Variants in LARGE1 observed in about 807,000 individuals in gnomAD.
LARGE1 encodes xylosyl- and glucuronyltransferase LARGE1.
Under a neutral mutation model 87.6 loss-of-function variants are expected in LARGE1, and 43 were observed. That is an observed-to-expected ratio of 0.49 (90% CI 0.38 to 0.63). LARGE1 has a LOEUF of 0.63. Ranked by LOEUF, LARGE1 falls within the 30% of genes least tolerant of loss-of-function variation. The pLI is 0.00. For synonymous variants in LARGE1, 434 were observed against 394.6 expected, an observed-to-expected ratio of 1.10 and a Z score of -1.18; for missense variants, 802 against 1,000.2, an observed-to-expected ratio of 0.80 and a Z score of 2.67.
rs577911243 is a variant in LARGE1 at position 33,875,452 on chromosome 22, C to T, written c.-83+44543G>A. 2.0e-5 allele frequency among the ~76,000 whole-genome samples: 3 copies of T among 152,312 alleles called. No individual in the cohort carries two copies. The East Asian group carries it at 5.8e-4, about 29-fold the overall frequency. ...ACCATGGGGGCAGAGGGCTGTGCCA[C>T]AGAGAGAGCAAAGCTCCTCCAGAAC... is the stretch of plus-strand genomic sequence containing the variant. On this transcript the variant is annotated intron_variant, in intron 1 of 14. Transcript: ENST00000397394.
At chr22:33,299,476 A>G (rs1933850987) in intron 12 of LARGE1, among the ~76,000 whole-genome samples, 1 of 152,182 alleles carries the variant, frequency 6.6e-6, no homozygotes, top group Non-Finnish European at 1.5e-5. Context: ...AGTAGTATCA[A>G]TATATAGTTT....
intron 6 of LARGE1, among the ~76,000 whole-genome samples, chr22:33,466,678 C>T (rs182064297): frequency 6.9e-6 from 1 of 145,190 alleles, no homozygotes; most frequent in Non-Finnish European, 1.5e-5. Context: ...GCCTCATTCA[C>T]CCCCTCTCTC....
intron 10 of LARGE1, among the ~76,000 whole-genome samples, chr22:33,328,954 G>C (rs548054171): frequency 4.5e-4 from 69 of 152,234 alleles, no homozygotes; most frequent in African/African-American, 1.6e-3. Flanking sequence ...TTGTGGTGAA[G>C]ATTAAAGTTG....
intron 6 of LARGE1, among the ~76,000 whole-genome samples, chr22:33,562,747 C>T (rs2077898004): frequency 6.6e-6 from 1 of 152,200 alleles, no homozygotes; most frequent in Non-Finnish European, 1.5e-5. Context: ...AGCACTATAG[C>T]CATTGCAAGC....
At chr22:33,177,520 T>A (rs1922938491) in intron 11 of LARGE1, among the ~76,000 whole-genome samples, 1 of 152,146 alleles carries the variant, frequency 6.6e-6, no homozygotes. Flanking sequence ...AGAGAAAATA[T>A]AGAATTAATT....
chr22:33,417,472 A>C (rs1188612976), intron 7 of LARGE1, among the ~76,000 whole-genome samples: 1 of 152,244 alleles, frequency 6.6e-6, no homozygotes, highest in Non-Finnish European at 1.5e-5. Context: ...ACATAGGAAC[A>C]AAGAAAACAA....
At chr22:33,539,203 T>G (rs1387764983) in intron 6 of LARGE1, among the ~76,000 whole-genome samples, 1 of 152,142 alleles carries the variant, frequency 6.6e-6, no homozygotes, top group Non-Finnish European at 1.5e-5. Flanking sequence ...AAAAGTATGG[T>G]TGGCCCTACA....
At chr22:33,157,744 T>C (rs918145346), downstream of LARGE1, among the ~76,000 whole-genome samples, 3 of 152,204 alleles carry the variant, frequency 2.0e-5, no homozygotes, top group African/African-American at 7.2e-5. Context: ...TCATCGTAGT[T>C]TTAATTTTAC....
At chr22:33,320,337 C>T (rs1190762101) in intron 10 of LARGE1, among the ~76,000 whole-genome samples, 1 of 152,158 alleles carries the variant, frequency 6.6e-6, no homozygotes, top group Non-Finnish European at 1.5e-5. Context: ...CTCTCCTCCA[C>T]CTAAAAAACC....
At chr22:33,640,587 C>T (rs942057716) in intron 3 of LARGE1, among the ~76,000 whole-genome samples, 5 of 151,940 alleles carry the variant, frequency 3.3e-5, no homozygotes, top group South Asian at 4.1e-4. Context: ...GAGACAGAAT[C>T]GTTCACTCCC....
chr22:33,721,228 A>G (rs981566525), intron 2 of LARGE1, among the ~76,000 whole-genome samples: 2 of 152,232 alleles, frequency 1.3e-5, no homozygotes, highest in African/African-American at 4.8e-5. Flanking sequence ...AAGACTTGCT[A>G]GTTCTACCCT....
chr22:33,176,818 A>C (rs560797819), intron 11 of LARGE1, among the ~76,000 whole-genome samples: 1 of 152,300 alleles, frequency 6.6e-6, no homozygotes, highest in Non-Finnish European at 1.5e-5. Flanking sequence ...TATATACCCA[A>C]AGGATTATAA....
At chr22:33,636,195 G>A (rs1317087923) in intron 3 of LARGE1, among the ~76,000 whole-genome samples, 1 of 152,072 alleles carries the variant, frequency 6.6e-6, no homozygotes, top group African/African-American at 2.4e-5. Flanking sequence ...TTTTGGGGTG[G>A]GTCAAGAGAA....
At chr22:33,916,223 G>T (rs994906126) in intron 1 of LARGE1, among the ~76,000 whole-genome samples, 2 of 152,090 alleles carry the variant, frequency 1.3e-5, no homozygotes, top group Non-Finnish European at 2.9e-5. Flanking sequence ...GGAGGTTGCA[G>T]TGAGCTAAGA....
rs943510422 is a variant in LARGE1 at position 33,647,458 on chromosome 22, T to A, written c.408+2909A>T. On this transcript the variant is annotated intron_variant, in intron 3 of 14. Transcript: ENST00000397394. ...AACACTTCTTTCCTGCCAGCTGGAATGTGGACAACATAGCTAAAGCTCTGA... is the reference window on the plus strand; with the variant it reads ...AACACTTCTTTCCTGCCAGCTGGAAAGTGGACAACATAGCTAAAGCTCTGA... 3.9e-5 allele frequency among the ~76,000 whole-genome samples: 6 copies of A among 152,326 alleles called. No individual in the cohort carries two copies. In the South Asian group the frequency reaches 6.2e-4, roughly 16 times the overall value.
intron 11 of LARGE1, among the ~76,000 whole-genome samples, chr22:33,167,192 A>G (rs970785664): frequency 1.3e-5 from 2 of 152,188 alleles, no homozygotes; most frequent in African/African-American, 4.8e-5. Flanking sequence ...GCCTCTTGCC[A>G]CTTGAAACTG....
intron 5 of LARGE1, among the ~76,000 whole-genome samples, chr22:33,594,646 G>A (rs1010733223): frequency 6.6e-6 from 1 of 152,022 alleles, no homozygotes; most frequent in African/African-American, 2.4e-5. Flanking sequence ...TGCTCTTGTC[G>A]CCCAGCCTGG....
intron 1 of LARGE1, among the ~76,000 whole-genome samples, chr22:33,827,407 C>T (rs1470060818): frequency 6.6e-6 from 1 of 152,056 alleles, no homozygotes; most frequent in Admixed American, 6.6e-5. Flanking sequence ...TCCTATTACC[C>T]TCCTCGCCCC....
intron 1 of LARGE1, among the ~76,000 whole-genome samples, chr22:33,838,854 C>T (rs919498623): frequency 6.6e-6 from 1 of 152,040 alleles, no homozygotes; most frequent in Non-Finnish European, 1.5e-5. Context: ...CCCGTGACGG[C>T]TCTCCACGTT....
Sources: allele counts gnomAD v4.1 joint callset (sites outside exome capture counted in the v4.1 genomes callset), GRCh38; gene constraint gnomAD v4.1.1; transcripts MANE v1.5; gene names NCBI Gene and HGNC (gene_info 2026-07-23, HGNC 2026-07-21).